TSPAN14: variants seen among roughly 807,000 people sequenced by gnomAD.
TSPAN14 encodes tetraspanin-14.
In TSPAN14, 16 loss-of-function variants were observed where a neutral mutation model predicts 36.6. The observed-to-expected ratio is 0.44, with a 90% CI of 0.30 to 0.66. The LOEUF (loss-of-function observed/expected upper bound fraction) is 0.66. Among genes scored for constraint, TSPAN14 ranks in the 30% least tolerant of loss-of-function variants. The probability of loss-of-function intolerance (pLI) is 0.12; values close to 1 mark genes in which losing one functional copy is unlikely to be tolerated. For missense variants in TSPAN14, 231 were observed against 355.1 expected, an observed-to-expected ratio of 0.65 and a Z score of 2.81; for synonymous variants, 139 against 143.8, an observed-to-expected ratio of 0.97 and a Z score of 0.24.
At chr10:80,495,813 C>T (rs1848170628) in intron 2 of TSPAN14, among the ~76,000 whole-genome samples, 1 of 152,214 alleles carries the variant, frequency 6.6e-6, no homozygotes, top group African/African-American at 2.4e-5. Flanking sequence ...TTCATTTCAA[C>T]TGTACAGTTC....
chr10:80,516,178 C>T (rs1840928069), intron 7 of TSPAN14, 26 bp from the exon 8 acceptor site: 1 of 1,614,058 alleles, frequency 6.2e-7, no homozygotes, highest in Non-Finnish European at 8.5e-7. Flanking sequence ...GCCAAAGGCT[C>T]AGACCCCTGT....
intron 1 of TSPAN14, among the ~76,000 whole-genome samples, chr10:80,486,615 C>G (rs1395769016): frequency 1.2e-4 from 18 of 152,176 alleles, no homozygotes; most frequent in Admixed American, 1.1e-3. Flanking sequence ...ATGGCTCGCA[C>G]CAGCCCTCCT....
At chr10:80,474,041 A>C (rs1252873829) in intron 1 of TSPAN14, among the ~76,000 whole-genome samples, 1 of 152,006 alleles carries the variant, frequency 6.6e-6, no homozygotes, top group Admixed American at 6.6e-5. Flanking sequence ...TGGCCTGTGA[A>C]TGTTCCTCAG....
intron 2 of TSPAN14, among the ~76,000 whole-genome samples, chr10:80,492,633 G>A (rs990484008): frequency 3.9e-5 from 6 of 152,090 alleles, no homozygotes; most frequent in South Asian, 4.1e-4. Context: ...TGGCTAACAC[G>A]GTGAAACTCC....
intron 2 of TSPAN14, among the ~76,000 whole-genome samples, chr10:80,491,642 T>A (rs1847927494): frequency 6.6e-6 from 1 of 152,192 alleles, no homozygotes; most frequent in South Asian, 2.1e-4. Context: ...CAGTAACACG[T>A]TTGCAGCACT....
At chr10:80,506,160 A>G (rs1360932338) in intron 3 of TSPAN14, among the ~76,000 whole-genome samples, 1 of 152,116 alleles carries the variant, frequency 6.6e-6, no homozygotes, top group Non-Finnish European at 1.5e-5. Context: ...TTAGGTAGAG[A>G]TGGGGTTTTG....
chr10:80,462,635 T>C (rs912347040), intron 1 of TSPAN14, among the ~76,000 whole-genome samples: 1 of 152,158 alleles, frequency 6.6e-6, no homozygotes, highest in Non-Finnish European at 1.5e-5. Context: ...AAACAACATA[T>C]ATGTATCTCT....
At chr10:80,502,205 G>A (rs1055612031) in intron 2 of TSPAN14, among the ~76,000 whole-genome samples, 1 of 152,228 alleles carries the variant, frequency 6.6e-6, no homozygotes, top group Non-Finnish European at 1.5e-5. Flanking sequence ...AGAATGTCAG[G>A]GTGGCCCAGG....
chr10:80,481,083 T>C (rs919583633), intron 1 of TSPAN14, among the ~76,000 whole-genome samples: 2 of 151,406 alleles, frequency 1.3e-5, no homozygotes. Context: ...CCAGCCAGGG[T>C]GAAGGAGTGA....
chr10:80,476,409 G>GTTTTT (rs60589813), intron 1 of TSPAN14, among the ~76,000 whole-genome samples: 28 of 85,068 alleles, frequency 3.3e-4, no homozygotes, highest in African/African-American at 5.5e-4. Context: ...TTGTTTTACT[G>GTTTTT]TTTTTTTTTT....
intron 1 of TSPAN14, among the ~76,000 whole-genome samples, chr10:80,461,277 T>C (rs1254976292): frequency 1.3e-5 from 2 of 152,146 alleles, no homozygotes; most frequent in Non-Finnish European, 2.9e-5. Flanking sequence ...AACCAGGCCC[T>C]TGCTGTTGTA....
rs140625854 is a variant in TSPAN14, at chr10:80,465,891, C to G, written c.-18+11520C>G. Among the ~76,000 whole-genome samples the G allele has an allele frequency of 2.2e-3, 336 of 152,288 alleles. 2 individuals carry two copies. The highest frequency in any genetic ancestry group is 7.7e-3 in the African/African-American group (320 of 41,550). On this transcript the variant is annotated intron_variant, in intron 1 of 8. Transcript: ENST00000429989. Reference sequence around the variant, plus strand: ...ATCTGAATCTCTCCCTTCTCTCCCCCACCACTTTTTGGTGGGCAAAATGAG... The same window carrying G: ...ATCTGAATCTCTCCCTTCTCTCCCCGACCACTTTTTGGTGGGCAAAATGAG...
intron 1 of TSPAN14, among the ~76,000 whole-genome samples, chr10:80,465,267 T>C (rs1341448705): frequency 6.6e-6 from 1 of 152,062 alleles, no homozygotes; most frequent in African/African-American, 2.4e-5. Context: ...CCACTTGCTT[T>C]GTGCCTCAGT....
exon 9 of TSPAN14, chr10:80,520,521 T>C: frequency 4.2e-6 from 2 of 477,890 alleles, no homozygotes; most frequent in South Asian, 3.3e-5. Flanking sequence ...TTGCACCCTC[T>C]TCTCACCTCA....
chr10:80,462,547 G>GA (rs1244171412), intron 1 of TSPAN14, among the ~76,000 whole-genome samples: 1 of 152,202 alleles, frequency 6.6e-6, no homozygotes, highest in East Asian at 1.9e-4. Context: ...TCCTTAGGGG[G>GA]AAAAATCACT....
Position 80,482,260 on chromosome 10 carries a change from A to T in TSPAN14, c.-17-6957A>T, listed in dbSNP as rs1428009057. ...AAAAAGCAAATCTACAATGCACGGC[A>T]TGTGATAAGGGGACATATTTCACAA... On this transcript the variant is annotated intron_variant, in intron 1 of 8. Coordinates refer to ENST00000429989, the Ensembl canonical transcript of TSPAN14. Among the ~76,000 whole-genome samples, 3 of 152,218 alleles carry T rather than the reference A, an allele frequency of 2.0e-5. No individual in the cohort carries two copies. In the East Asian group the frequency reaches 5.8e-4, roughly 29 times the overall value.
chr10:80,518,118 C>G (rs962274401), exon 9 of TSPAN14: 3 of 857,040 alleles, frequency 3.5e-6, no homozygotes, highest in South Asian at 1.7e-5. Flanking sequence ...CGTGACCTCT[C>G]TGTTTCTGCT....
Position 80,471,917 on chromosome 10 carries a change from C to T in TSPAN14, c.-17-17300C>T, listed in dbSNP as rs754258911. Among the ~76,000 whole-genome samples, 41 of 152,334 alleles carry T rather than the reference C, an allele frequency of 2.7e-4. 1 individual carries two copies. The highest frequency in any genetic ancestry group is 3.5e-4 in the Non-Finnish European group (24 of 68,030). On this transcript the variant is annotated intron_variant, in intron 1 of 8. Coordinates refer to ENST00000429989, the Ensembl canonical transcript of TSPAN14. ...GGGTGCTGGGCGTGGTGGCTCATGC[C>T]TGTGATCCTAGCACTTTGGGAGCCC...
chr10:80,470,311 C>T (rs547976936), intron 1 of TSPAN14, among the ~76,000 whole-genome samples: 1 of 152,298 alleles, frequency 6.6e-6, no homozygotes, highest in African/African-American at 2.4e-5. Flanking sequence ...TCTTGAACTT[C>T]TGACCTCAGG....
Sources: gnomAD v4.1 joint callset for allele counts (sites outside exome capture counted in the v4.1 genomes callset) on GRCh38, gnomAD v4.1.1 for gene constraint, MANE v1.5 for transcripts, NCBI Gene and HGNC (gene_info 2026-07-23, HGNC 2026-07-21) for gene names.